Variants in SLC25A21 observed in about 807,000 individuals in gnomAD.
The protein encoded by SLC25A21 is mitochondrial 2-oxodicarboxylate carrier.
A neutral mutation model predicts 43.8 loss-of-function variants in SLC25A21; 47 were observed. That is an observed-to-expected ratio of 1.07 (90% CI 0.85 to 1.37). The LOEUF is 1.37. Ranked by LOEUF, SLC25A21 falls within the 40% of genes most tolerant of loss-of-function variation. The pLI is 0.00. For synonymous variants in SLC25A21, 131 were observed against 121.3 expected (o/e 1.08, Z -0.52); for missense variants, 352 against 350.2 (o/e 1.00, Z -0.04).
rs117475448 is a variant in SLC25A21, at chr14:37,083,327, T to C, written c.70+88954A>G. 4.6e-5 allele frequency among the ~76,000 whole-genome samples: 7 copies of C among 152,334 alleles called. No individual in the cohort carries two copies. In the East Asian group the frequency reaches 1.2e-3, roughly 25 times the overall value. On this transcript the variant is annotated intron_variant, in intron 1 of 9. Transcript: ENST00000331299. Reference sequence around the variant, plus strand: ...AGGGTATGTAGTTGCAGCTATATACTTCTAGGGTTGATTTACAATGCAGTA... The same window carrying C: ...AGGGTATGTAGTTGCAGCTATATACCTCTAGGGTTGATTTACAATGCAGTA...
At chr14:36,844,737 G>A (rs1181996327) in intron 2 of SLC25A21, among the ~76,000 whole-genome samples, 1 of 152,158 alleles carries the variant, frequency 6.6e-6, no homozygotes, top group African/African-American at 2.4e-5. Context: ...AGCACCATTC[G>A]AAAATCTGGA....
intron 1 of SLC25A21, among the ~76,000 whole-genome samples, chr14:37,149,122 T>C (rs1020181131): frequency 1.3e-5 from 2 of 151,616 alleles, no homozygotes; most frequent in Non-Finnish European, 2.9e-5. Flanking sequence ...AAGAATCACA[T>C]AGACATCATT....
At chr14:36,816,497 C>CTTTTTTT (rs373274280) in intron 2 of SLC25A21, among the ~76,000 whole-genome samples, 8 of 131,832 alleles carry the variant, frequency 6.1e-5, no homozygotes, top group Admixed American at 3.1e-4. Flanking sequence ...ATATTCTCCT[C>CTTTTTTT]TTTTTTTTTT....
chr14:36,904,104 C>T (rs182765625), intron 1 of SLC25A21, among the ~76,000 whole-genome samples: 7 of 152,264 alleles, frequency 4.6e-5, no homozygotes, highest in Non-Finnish European at 7.4e-5. Context: ...CAGTGAATGG[C>T]AAGACCCATT....
intron 1 of SLC25A21, among the ~76,000 whole-genome samples, chr14:36,914,322 C>T (rs553049509): frequency 6.6e-6 from 1 of 152,198 alleles, no homozygotes; most frequent in Non-Finnish European, 1.5e-5. Context: ...CCAGTACTAC[C>T]CAGTGACAGA....
chr14:36,783,520 G>A (rs529469205), intron 3 of SLC25A21, among the ~76,000 whole-genome samples: 1 of 152,100 alleles, frequency 6.6e-6, no homozygotes, highest in African/African-American at 2.4e-5. Flanking sequence ...GAAAGAGGTT[G>A]GCCTCCTTGG....
rs1566836878 is a variant in SLC25A21, at chr14:37,041,943, G to GCC, written c.70+130337_70+130338insGG. Among the ~76,000 whole-genome samples the GCC allele has an allele frequency of 5.1e-3, 780 of 151,826 alleles. 3 individuals carry two copies. The highest frequency in any genetic ancestry group is 0.018 in the African/African-American group (739 of 41,392). ...CTAGATTAACTTGAGGTAAATGGCT[G>GCC]TAAGGAGGTCAAGAAAGCTCCAATG... is the stretch of plus-strand genomic sequence containing the variant. On this transcript the variant is annotated intron_variant, in intron 1 of 9. Transcript: ENST00000331299.
At chr14:36,956,714 A>T (rs1959350712) in intron 1 of SLC25A21, among the ~76,000 whole-genome samples, 1 of 152,196 alleles carries the variant, frequency 6.6e-6, no homozygotes, top group South Asian at 2.1e-4. Context: ...CTGCAGAATT[A>T]ACTTACGAAT....
At chr14:36,885,362 A>G (rs1222165594) in intron 1 of SLC25A21, among the ~76,000 whole-genome samples, 2 of 152,120 alleles carry the variant, frequency 1.3e-5, no homozygotes, top group Admixed American at 6.6e-5. Flanking sequence ...TTTGATTACT[A>G]TAACTTTGTA....
chr14:36,903,614 GAAAAAAAAAAAAAAAAAA>G (rs71124784), intron 1 of SLC25A21, among the ~76,000 whole-genome samples: 2 of 50,434 alleles, frequency 4.0e-5, no homozygotes, highest in African/African-American at 1.8e-4. Flanking sequence ...CTCCGTCTCA[GAAAAAAAAAAAAAAAAAA>G]AAAAAAAAAA....
chr14:36,792,972 C>T (rs574705454), intron 3 of SLC25A21, among the ~76,000 whole-genome samples: 3 of 152,238 alleles, frequency 2.0e-5, no homozygotes, highest in South Asian at 2.1e-4. Context: ...CTCAAACATC[C>T]CTCTCTGGTT....
chr14:36,776,538 G>C (rs1019083269), intron 3 of SLC25A21, among the ~76,000 whole-genome samples: 1 of 151,694 alleles, frequency 6.6e-6, no homozygotes, highest in Non-Finnish European at 1.5e-5. Context: ...CACCGCGCCC[G>C]GCCCCAACTG....
At chr14:37,170,185 A>C (rs1174055408) in intron 1 of SLC25A21, among the ~76,000 whole-genome samples, 1 of 151,324 alleles carries the variant, frequency 6.6e-6, no homozygotes, top group Non-Finnish European at 1.5e-5. Context: ...GTAGCCGGAC[A>C]CCACCAAGCC....
intron 2 of SLC25A21, among the ~76,000 whole-genome samples, chr14:36,867,382 G>A (rs1890241584): frequency 6.6e-6 from 1 of 152,054 alleles, no homozygotes; most frequent in African/African-American, 2.4e-5. Context: ...GAACTATTGA[G>A]GTAATTATTT....
chr14:36,878,111 C>G (rs376371439), intron 1 of SLC25A21, among the ~76,000 whole-genome samples: 4 of 152,172 alleles, frequency 2.6e-5, no homozygotes, highest in East Asian at 1.9e-4. Context: ...TGTCCCAGCC[C>G]TCTCTCCATT....
At chr14:37,045,639 G>T (rs1961571379) in intron 1 of SLC25A21, among the ~76,000 whole-genome samples, 1 of 152,180 alleles carries the variant, frequency 6.6e-6, no homozygotes, top group African/African-American at 2.4e-5. Flanking sequence ...TGTTTGTGTT[G>T]CAGTCTCCGT....
chr14:36,877,274 A>T (rs904235445), intron 1 of SLC25A21, among the ~76,000 whole-genome samples: 2 of 152,210 alleles, frequency 1.3e-5, no homozygotes, highest in Non-Finnish European at 2.9e-5. Flanking sequence ...AATACCAACA[A>T]CTTATTAAAG....
intron 4 of SLC25A21, among the ~76,000 whole-genome samples, chr14:36,731,276 T>A (rs1403694981): frequency 6.6e-6 from 1 of 152,188 alleles, no homozygotes; most frequent in Non-Finnish European, 1.5e-5. Context: ...AAAAGTAATT[T>A]ATTTTTCTTC....
chr14:37,127,366 G>GAT (rs370598914), intron 1 of SLC25A21, among the ~76,000 whole-genome samples: 3 of 152,148 alleles, frequency 2.0e-5, no homozygotes, highest in African/African-American at 7.2e-5. Flanking sequence ...ACGAAAAGAT[G>GAT]ATAGATACCT....
Sources: gnomAD v4.1 joint callset for allele counts (sites outside exome capture counted in the v4.1 genomes callset) on GRCh38, gnomAD v4.1.1 for gene constraint, MANE v1.5 for transcripts, NCBI Gene and HGNC (gene_info 2026-07-23, HGNC 2026-07-21) for gene names.